HNRNPUL1: variants seen among roughly 807,000 people sequenced by gnomAD.
The protein encoded by HNRNPUL1 is heterogeneous nuclear ribonucleoprotein U-like protein 1.
A neutral mutation model predicts 108.5 loss-of-function variants in HNRNPUL1; 14 were observed. The observed-to-expected ratio is 0.13, with a 90% CI of 0.09 to 0.20. The LOEUF (loss-of-function observed/expected upper bound fraction) is 0.20, where lower values mean the gene tolerates loss of function less well. Ranked by LOEUF, HNRNPUL1 falls within the 10% of genes least tolerant of loss-of-function variation. The pLI, the probability that HNRNPUL1 is intolerant of heterozygous loss-of-function variation, is 1.00. For missense variants in HNRNPUL1, 804 were observed against 1,168.3 expected (o/e 0.69, Z 4.55); for synonymous variants, 422 against 445.2 (o/e 0.95, Z 0.66).
At chr19:41,285,488 A>G (rs1363014208) in intron 7 of HNRNPUL1, among the ~76,000 whole-genome samples, 1 of 152,172 alleles carries the variant, frequency 6.6e-6, no homozygotes, top group Non-Finnish European at 1.5e-5. Context: ...TATAGGCCGG[A>G]GACACCATGC....
chr19:41,270,030 T>C (rs1280256450), intron 2 of HNRNPUL1, among the ~76,000 whole-genome samples: 1 of 152,132 alleles, frequency 6.6e-6, no homozygotes, highest in Non-Finnish European at 1.5e-5. Context: ...TTCCCCAGGC[T>C]GGAGGGCGAT....
intron 1 of HNRNPUL1, chr19:41,268,008 G>A (rs562867302): frequency 2.3e-6 from 1 of 426,074 alleles, no homozygotes; most frequent in Non-Finnish European, 4.1e-6. Context: ...TTTAAGATTT[G>A]TCTGTCTCAC....
At chr19:41,284,140 C>G (rs1461707260) in intron 7 of HNRNPUL1, among the ~76,000 whole-genome samples, 2 of 152,086 alleles carry the variant, frequency 1.3e-5, no homozygotes, top group Middle Eastern at 3.2e-3. Context: ...ATACGAAGTT[C>G]CACTAGTGAT....
At chr19:41,280,401 T>C (rs2035834279) in intron 6 of HNRNPUL1, among the ~76,000 whole-genome samples, 1 of 151,724 alleles carries the variant, frequency 6.6e-6, no homozygotes, top group Admixed American at 6.6e-5. Context: ...AAAAAAAAAG[T>C]ATACAGTTTT....
chr19:41,294,319 C>G lies in HNRNPUL1; in HGVS notation c.1267-19C>G. ...CCATACCACCATGCCGCAACACCTT[C>G]CCTGTCTTGTTCTTGTAGATTCTGA... On this transcript the variant is annotated intron_variant, in intron 8 of 14. Transcript: ENST00000392006. The surrounding 1 kb of genome is among the most constrained non-coding windows in gnomAD (Gnocchi z 4.3). 1 of 1,613,586 alleles carries G rather than the reference C, an allele frequency of 6.2e-7. No individual in the cohort carries two copies. Among genetic ancestry groups the G allele is most frequent in the Non-Finnish European group, 8.5e-7 (1 of 1,179,676 alleles).
At chr19:41,303,829 C>A in intron 12 of HNRNPUL1, 143 bp from the exon 13 acceptor site, 1 of 1,009,080 alleles carries the variant, frequency 9.9e-7, no homozygotes, top group Non-Finnish European at 1.4e-6. Context: ...TAGAGAATCC[C>A]AGAGGACATG....
rs1041443859 is a variant in HNRNPUL1, at chr19:41,269,763, C to T, written c.418+1418C>T. Among the ~76,000 whole-genome samples, 9 of 152,090 alleles carry T rather than the reference C, an allele frequency of 5.9e-5. No individual in the cohort carries two copies. The East Asian group carries it at 9.6e-4, about 16-fold the overall frequency. ...GGCTGCAGTAAGCTATGATCGTGCA[C>T]GGCACTGCAGCCTGGGCGACAGGAA... On this transcript the variant is annotated intron_variant, in intron 2 of 14. Transcript: ENST00000392006.
chr19:41,301,883 T>C, intron 11 of HNRNPUL1, 179 bp downstream of exon 11: 2 of 615,018 alleles, frequency 3.3e-6, no homozygotes, highest in Non-Finnish European at 2.7e-6. Context: ...GCTACCCATC[T>C]GTCTTATGTT....
In HNRNPUL1 at chr19:41,294,690, C is replaced by T. The variant is rs1478098278; in HGVS notation, c.1518+4C>T. ...ACGCAACTATATCCTAGATCAGGTA[C>T]TTAATGATGACCATTGTGTCCTCAG... On this transcript the variant is annotated splice_donor_region_variant and intron_variant, in intron 10 of 14. Transcript: ENST00000392006. This position sits in a 1 kb window ranked among gnomAD's most constrained non-coding sequence, Gnocchi z 4.3. 1 of 1,614,096 alleles carries T rather than the reference C, an allele frequency of 6.2e-7. No homozygotes were observed. Among genetic ancestry groups the T allele is most frequent in the Non-Finnish European group, 8.5e-7 (1 of 1,180,012 alleles).
At chr19:41,278,952 G>C (rs1334640104) in intron 5 of HNRNPUL1, 125 bp from the exon 6 acceptor site, 1 of 730,544 alleles carries the variant, frequency 1.4e-6, no homozygotes, top group Non-Finnish European at 2.4e-6. Flanking sequence ...CTGCTTAAAC[G>C]CTTCTTCTCC....
chr19:41,292,111 G>A lies in HNRNPUL1; in HGVS notation c.1000-134G>A. 6.7e-6 allele frequency: 6 copies of A among 896,240 alleles called. No homozygotes were observed. Among genetic ancestry groups the A allele is most frequent in the South Asian group, 3.1e-5 (2 of 65,064 alleles). 55.5% of individuals were successfully genotyped at this position (896,240 alleles called of 1,614,324 possible). A position where few individuals can be genotyped will look rare whatever the true frequency, so the allele number is the denominator to read the frequency against. On this transcript the variant is annotated intron_variant, in intron 7 of 14. Transcript: ENST00000392006. The surrounding 1 kb of genome is among the most constrained non-coding windows in gnomAD (Gnocchi z 4.1). ...TTCACTGATGCTGCCCAGCTTACCT[G>A]TATGTTGGGGAAGGATGCACTTCAA...
At chr19:41,300,349 T>C (rs1253834405) in intron 10 of HNRNPUL1, among the ~76,000 whole-genome samples, 1 of 151,896 alleles carries the variant, frequency 6.6e-6, no homozygotes, top group Non-Finnish European at 1.5e-5. Context: ...CATTTGTATA[T>C]ACCCCTTTAC....
chr19:41,276,010 A>G (rs1479628794), intron 4 of HNRNPUL1, 149 bp from the exon 5 acceptor site: 16 of 892,798 alleles, frequency 1.8e-5, no homozygotes, highest in Non-Finnish European at 2.7e-5. Flanking sequence ...AGCTGAGGCA[A>G]GAGAATCACT....
intron 7 of HNRNPUL1, among the ~76,000 whole-genome samples, chr19:41,281,742 A>G (rs540108281): frequency 7.2e-5 from 11 of 152,238 alleles, no homozygotes; most frequent in Non-Finnish European, 2.9e-5. Flanking sequence ...AAGAGTAGAG[A>G]TGATGCAAAA....
chr19:41,291,979 C>CAAAA lies in HNRNPUL1; in HGVS notation c.1000-255_1000-252dup, dbSNP rs534769812. On this transcript the variant is annotated intron_variant, in intron 7 of 14. Coordinates refer to ENST00000392006, the MANE Select transcript of HNRNPUL1 (RefSeq NM_007040.6). ...TGGGGGACAGGGTGAGACCCTGTCT[C>CAAAA]AAAAAAAAAAAAAACAAAAAAAAAA... The CAAAA allele has an allele frequency of 3.5e-4, 84 of 238,112 alleles. 1 individual carries two copies. The highest frequency in any genetic ancestry group is 8.6e-4 in the South Asian group (25 of 29,148). The allele number at this position is 238,112 out of a possible 1,614,324, so 14.7% of individuals were successfully genotyped here. A position where few individuals can be genotyped will look rare whatever the true frequency, so the allele number is the denominator to read the frequency against.
intron 3 of HNRNPUL1, among the ~76,000 whole-genome samples, chr19:41,273,610 C>T (rs1033233871): frequency 9.9e-5 from 15 of 152,172 alleles, no homozygotes; most frequent in African/African-American, 3.6e-4. Flanking sequence ...TCCTGGCCAG[C>T]ACCCTTTTGG....
intron 7 of HNRNPUL1, chr19:41,286,757 C>T (rs1349711292): frequency 1.4e-5 from 2 of 147,676 alleles, no homozygotes; most frequent in African/African-American, 5.0e-5. Flanking sequence ...ACTCTTGTCC[C>T]CCAGGTTTGA....
intron 2 of HNRNPUL1, among the ~76,000 whole-genome samples, chr19:41,270,051 C>CA (rs1878692860): frequency 6.6e-6 from 1 of 152,046 alleles, no homozygotes; most frequent in South Asian, 2.1e-4. Flanking sequence ...GGCGCGATCT[C>CA]AGCTCACTGC....
At chr19:41,264,945 C>A in intron 1 of HNRNPUL1, 147 bp downstream of exon 1, 1 of 1,339,476 alleles carries the variant, frequency 7.5e-7, no homozygotes, top group Non-Finnish European at 9.5e-7. Context: ...GATCTGGGGA[C>A]CAGGGCCCCA....
Sources: allele counts gnomAD v4.1 joint callset (sites outside exome capture counted in the v4.1 genomes callset), GRCh38; gene constraint gnomAD v4.1.1; non-coding constraint Gnocchi (gnomAD v3.1); transcripts MANE v1.5; gene names NCBI Gene and HGNC (gene_info 2026-07-23, HGNC 2026-07-21).